Variants in PREX2 observed in about 807,000 individuals in gnomAD.
PREX2 encodes phosphatidylinositol 3,4,5-trisphosphate-dependent Rac exchanger 2 protein.
Under a neutral mutation model 203.2 loss-of-function variants are expected in PREX2, and 107 were observed. The observed-to-expected ratio is 0.53, with a 90% confidence interval of 0.45 to 0.62. The LOEUF is 0.62. Ranked by LOEUF, PREX2 falls within the 20% of genes least tolerant of loss-of-function variation. The probability of loss-of-function intolerance (pLI) is 0.00; values close to 1 mark genes in which losing one functional copy is unlikely to be tolerated. For missense variants in PREX2, 1,777 were observed against 1,955.9 expected (o/e 0.91, Z 1.72); for synonymous variants, 672 against 663.6 (o/e 1.01, Z -0.19).
intron 34 of PREX2, among the ~76,000 whole-genome samples, chr8:68,151,232 G>T (rs578218772): frequency 6.6e-6 from 1 of 152,028 alleles, no homozygotes; most frequent in South Asian, 2.1e-4. Flanking sequence ...ACCAGCCTGG[G>T]CAACATAGTG....
intron 1 of PREX2, among the ~76,000 whole-genome samples, chr8:68,009,208 G>A (rs965539554): frequency 4.6e-5 from 7 of 152,056 alleles, no homozygotes; most frequent in African/African-American, 9.7e-5. Flanking sequence ...CCTTTTCATC[G>A]GAACTGCATT....
intron 18 of PREX2, among the ~76,000 whole-genome samples, chr8:68,083,988 C>T (rs1241335201): frequency 6.6e-6 from 1 of 152,006 alleles, no homozygotes; most frequent in Non-Finnish European, 1.5e-5. Context: ...CATTGTTATT[C>T]CTTTGAAATT....
At chr8:67,995,316 C>A (rs1271452475) in intron 1 of PREX2, among the ~76,000 whole-genome samples, 1 of 152,058 alleles carries the variant, frequency 6.6e-6, no homozygotes, top group Non-Finnish European at 1.5e-5. Flanking sequence ...CATATGATAT[C>A]AATCCCTGTT....
chr8:67,983,961 A>G (rs1325047023), intron 1 of PREX2, among the ~76,000 whole-genome samples: 1 of 152,168 alleles, frequency 6.6e-6, no homozygotes, highest in African/African-American at 2.4e-5. Context: ...CCTGGCACAT[A>G]GTAGTGCACA....
chr8:68,201,463 T>A (rs1410748440), intron 37 of PREX2, among the ~76,000 whole-genome samples: 2 of 152,140 alleles, frequency 1.3e-5, no homozygotes, highest in African/African-American at 4.8e-5. Context: ...CCAGTTCAAG[T>A]CCCAAAGCTG....
At chr8:68,097,611 C>T (rs1019970702) in intron 22 of PREX2, among the ~76,000 whole-genome samples, 8 of 152,320 alleles carry the variant, frequency 5.3e-5, no homozygotes, top group Admixed American at 2.6e-4. Flanking sequence ...AGGCGTGAGC[C>T]GCTGTGCCCA....
intron 1 of PREX2, among the ~76,000 whole-genome samples, chr8:67,988,609 C>T (rs970279268): frequency 2.0e-5 from 3 of 152,198 alleles, no homozygotes; most frequent in Non-Finnish European, 4.4e-5. Flanking sequence ...GGAGACTTTT[C>T]CCATCTTCTC....
At chr8:68,058,679 T>C (rs1407359063) in intron 10 of PREX2, among the ~76,000 whole-genome samples, 1 of 152,070 alleles carries the variant, frequency 6.6e-6, no homozygotes, top group East Asian at 1.9e-4. Flanking sequence ...AAATGATCCA[T>C]CTGCCTCCGC....
intron 1 of PREX2, among the ~76,000 whole-genome samples, chr8:67,996,797 C>T (rs1806781227): frequency 6.6e-6 from 1 of 152,012 alleles, no homozygotes; most frequent in South Asian, 2.1e-4. Context: ...ATTGATAAAA[C>T]TAGGATTAAT....
At chr8:68,175,776 T>C (rs997738332) in intron 35 of PREX2, among the ~76,000 whole-genome samples, 9 of 152,118 alleles carry the variant, frequency 5.9e-5, no homozygotes, top group African/African-American at 2.2e-4. Context: ...CCATATTCTT[T>C]GTATCAAATT....
chr8:68,149,967 C>T (rs1352443730), intron 34 of PREX2, among the ~76,000 whole-genome samples: 2 of 152,208 alleles, frequency 1.3e-5, no homozygotes, highest in Admixed American at 1.3e-4. Flanking sequence ...GGTCCAGGAA[C>T]AATATAAAAT....
intron 33 of PREX2, among the ~76,000 whole-genome samples, chr8:68,144,750 C>T (rs531825073): frequency 4.6e-5 from 7 of 152,232 alleles, no homozygotes; most frequent in Non-Finnish European, 7.4e-5. Context: ...GCTGGAGGAT[C>T]ACTTGATCCC....
At chr8:68,153,828 C>T (rs557945720) in intron 34 of PREX2, among the ~76,000 whole-genome samples, 5 of 152,240 alleles carry the variant, frequency 3.3e-5, no homozygotes, top group African/African-American at 1.2e-4. Context: ...TTGTTAGGCA[C>T]TTTTCCAATT....
chr8:68,044,529 C>T lies in PREX2; in HGVS notation c.882C>T (p.Tyr294=). The part of the protein sequence containing the change: ...NSKASTDGHR[Y]LFRGRINTEV... The stretch of plus-strand genomic sequence containing the variant: ...AGGCATCTACAGATGGACATCGGTA[C>T]CTTTTTCGTGGCCGGATCAACACGG... The change falls in exon 8 of 40, where the codon TAC becomes TAT. Residue 294 remains tyrosine (Y), a synonymous_variant. Transcript: ENST00000288368. The T allele has an allele frequency of 6.2e-7, 1 of 1,612,570 alleles. No individual in the cohort carries two copies. Among genetic ancestry groups the T allele is most frequent in the East Asian group, 2.2e-5 (1 of 44,808 alleles).
intron 35 of PREX2, among the ~76,000 whole-genome samples, chr8:68,178,979 A>G (rs1812034542): frequency 6.6e-6 from 1 of 152,158 alleles, no homozygotes; most frequent in African/African-American, 2.4e-5. Context: ...TATTGCAGAG[A>G]TGACAGATTT....
chr8:68,075,044 C>T (rs1585761655), intron 14 of PREX2, among the ~76,000 whole-genome samples: 2 of 152,280 alleles, frequency 1.3e-5, no homozygotes, highest in East Asian at 3.9e-4. Context: ...TTTAAAACAT[C>T]ATTCAATTCC....
intron 1 of PREX2, among the ~76,000 whole-genome samples, chr8:67,966,067 T>C (rs752027961): frequency 4.5e-4 from 68 of 152,300 alleles, no homozygotes; most frequent in Non-Finnish European, 9.0e-4. Context: ...ATGAGGAACA[T>C]GATAAGTTGG....
At chr8:68,130,691 G>A (rs146783801) in intron 31 of PREX2, among the ~76,000 whole-genome samples, 5 of 152,320 alleles carry the variant, frequency 3.3e-5, no homozygotes, top group Admixed American at 6.5e-5. Context: ...GAAAGCAGAT[G>A]ATATGCCTCT....
At chr8:68,078,842 T>G (rs1184483352) in intron 15 of PREX2, among the ~76,000 whole-genome samples, 1 of 152,200 alleles carries the variant, frequency 6.6e-6, no homozygotes, top group Admixed American at 6.5e-5. Context: ...TTATAAAATA[T>G]TGAGTTACAT....
Sources: allele counts gnomAD v4.1 joint callset (sites outside exome capture counted in the v4.1 genomes callset), GRCh38; gene constraint gnomAD v4.1.1; transcripts MANE v1.5; gene names NCBI Gene and HGNC (gene_info 2026-07-23, HGNC 2026-07-21).